Variants in MACROD2 observed in about 807,000 individuals in gnomAD.
MACROD2 encodes the protein ADP-ribose glycohydrolase MACROD2.
MACROD2 carries 36 observed loss-of-function variants against 70.4 expected under a neutral mutation model. The observed-to-expected ratio is 0.51, with a 90% CI of 0.39 to 0.68. The LOEUF (loss-of-function observed/expected upper bound fraction) is 0.68, where lower values mean the gene tolerates loss of function less well. Ranked by LOEUF, MACROD2 falls within the 30% of genes least tolerant of loss-of-function variation. MACROD2 has a pLI of 0.00. For missense variants in MACROD2, 496 were observed against 538.4 expected (o/e 0.92, Z 0.78); for synonymous variants, 172 against 178.8 (o/e 0.96, Z 0.30).
intron 8 of MACROD2, among the ~76,000 whole-genome samples, chr20:15,517,271 C>A (rs1374873217): frequency 6.6e-6 from 1 of 152,220 alleles, no homozygotes; most frequent in East Asian, 1.9e-4. Flanking sequence ...CAGGTCCCCC[C>A]ACTTATAAGG....
At chr20:14,582,325 C>T (rs1180272014) in intron 4 of MACROD2, among the ~76,000 whole-genome samples, 1 of 152,048 alleles carries the variant, frequency 6.6e-6, no homozygotes, top group Non-Finnish European at 1.5e-5. Flanking sequence ...ACTCACAAAT[C>T]TCGAATGCTG....
chr20:15,587,765 T>C (rs2146660937), intron 8 of MACROD2, among the ~76,000 whole-genome samples: 1 of 152,334 alleles, frequency 6.6e-6, no homozygotes, highest in East Asian at 1.9e-4. Context: ...GTAATGCTGA[T>C]GCAAGAGGTG....
intron 4 of MACROD2, among the ~76,000 whole-genome samples, chr20:14,556,932 A>G (rs374274296): frequency 6.6e-6 from 1 of 151,980 alleles, no homozygotes; most frequent in African/African-American, 2.4e-5. Context: ...CAGTTTTGAA[A>G]TGAAAGAACC....
At chr20:14,204,907 C>T (rs903867573) in intron 3 of MACROD2, among the ~76,000 whole-genome samples, 8 of 151,990 alleles carry the variant, frequency 5.3e-5, no homozygotes, top group South Asian at 2.1e-4. Context: ...TCTCATAAGG[C>T]GTAGAAGTGA....
intron 2 of MACROD2, chr20:14,053,560 C>T (rs563915091): frequency 1.3e-5 from 2 of 152,248 alleles, no homozygotes; most frequent in East Asian, 3.9e-4. Flanking sequence ...CTGCCCAAAC[C>T]TAAAAAGTAC....
intron 2 of MACROD2, among the ~76,000 whole-genome samples, chr20:14,044,141 TG>T (rs934795214): frequency 2.2e-4 from 33 of 152,102 alleles, no homozygotes; most frequent in African/African-American, 7.2e-4. Flanking sequence ...TGTTCGCATG[TG>T]TTCAGAGTTT....
chr20:15,148,387 G>A (rs1315523116), intron 5 of MACROD2, among the ~76,000 whole-genome samples: 1 of 152,016 alleles, frequency 6.6e-6, no homozygotes, highest in Non-Finnish European at 1.5e-5. Context: ...GGAGGACCTA[G>A]GACATCTAAT....
intron 5 of MACROD2, among the ~76,000 whole-genome samples, chr20:14,788,583 A>G (rs2072404352): frequency 6.9e-6 from 1 of 145,968 alleles, no homozygotes; most frequent in African/African-American, 2.5e-5. Flanking sequence ...CACATCTCAA[A>G]AAAAAAAAAA....
At chr20:14,511,081 G>A (rs925024986) in intron 4 of MACROD2, among the ~76,000 whole-genome samples, 11 of 152,078 alleles carry the variant, frequency 7.2e-5, no homozygotes, top group African/African-American at 2.7e-4. Flanking sequence ...GAGACAGAAT[G>A]AAAGAACTCC....
intron 5 of MACROD2, among the ~76,000 whole-genome samples, chr20:14,902,335 G>T (rs1478722489): frequency 1.3e-5 from 2 of 152,162 alleles, no homozygotes; most frequent in Non-Finnish European, 1.5e-5. Flanking sequence ...GAAAGCAAAA[G>T]TTGGCAGGCC....
intron 3 of MACROD2, among the ~76,000 whole-genome samples, chr20:14,304,233 GCT>G (rs1399601874): frequency 6.6e-6 from 1 of 152,010 alleles, no homozygotes; most frequent in Non-Finnish European, 1.5e-5. Context: ...GTTTATCAGA[GCT>G]CTCTTTCAAA....
intron 7 of MACROD2, among the ~76,000 whole-genome samples, chr20:15,466,881 T>C (rs2046898606): frequency 6.6e-6 from 1 of 152,210 alleles, no homozygotes; most frequent in Non-Finnish European, 1.5e-5. Context: ...TGAAATTTTT[T>C]GTTTTACTCC....
intron 3 of MACROD2, among the ~76,000 whole-genome samples, chr20:14,231,975 G>T (rs573819100): frequency 2.6e-5 from 4 of 152,084 alleles, no homozygotes; most frequent in African/African-American, 7.2e-5. Flanking sequence ...TCTCCCACTT[G>T]TTGATGGGGT....
intron 3 of MACROD2, among the ~76,000 whole-genome samples, chr20:14,143,016 T>C (rs1333299168): frequency 2.0e-5 from 3 of 152,182 alleles, no homozygotes; most frequent in African/African-American, 4.8e-5. Flanking sequence ...TAATCTTGCT[T>C]TGTATAATTA....
In MACROD2 at chr20:14,031,172, T is replaced by A. The variant is rs563601933; in HGVS notation, c.163+28768T>A. Among the ~76,000 whole-genome samples, 3 of 152,360 alleles carry A rather than the reference T, an allele frequency of 2.0e-5. No individual in the cohort carries two copies. In the South Asian group the frequency reaches 6.2e-4, roughly 32 times the overall value. On this transcript the variant is annotated intron_variant, in intron 2 of 17. Coordinates refer to ENST00000684519, the MANE Select transcript of MACROD2 (RefSeq NM_001351661.2). The stretch of plus-strand genomic sequence containing the variant: ...TCTTTAATGTTTCATAAAACATGTC[T>A]TTTTCCTAAATAGGGTTGTAACATT...
chr20:15,779,105 T>C (rs1012388788), intron 8 of MACROD2, among the ~76,000 whole-genome samples: 3 of 152,078 alleles, frequency 2.0e-5, no homozygotes, highest in African/African-American at 7.2e-5. Flanking sequence ...CCTCTAACTA[T>C]CATATCCCAT....
rs77169141 is a variant in MACROD2, at chr20:15,473,495, A to G, written c.572-26279A>G. Reference sequence around the variant, plus strand: ...CTGACCCATTTATCATCTATCAGGGAGTAACTTTTGCCTGAAGACATCCCC... The same window carrying G: ...CTGACCCATTTATCATCTATCAGGGGGTAACTTTTGCCTGAAGACATCCCC... On this transcript the variant is annotated intron_variant, in intron 7 of 17. Coordinates refer to ENST00000684519, the MANE Select transcript of MACROD2 (RefSeq NM_001351661.2). 7.3e-3 allele frequency among the ~76,000 whole-genome samples: 1,111 copies of G among 152,290 alleles called. 13 individuals are homozygous for G. The highest frequency in any genetic ancestry group is 0.025 in the African/African-American group (1,032 of 41,554).
chr20:14,583,616 A>G (rs755715004), intron 4 of MACROD2, among the ~76,000 whole-genome samples: 1 of 152,208 alleles, frequency 6.6e-6, no homozygotes, highest in Non-Finnish European at 1.5e-5. Flanking sequence ...ATGTTAGGTC[A>G]GTAATGTAAT....
intron 4 of MACROD2, among the ~76,000 whole-genome samples, chr20:14,505,588 A>G (rs949922817): frequency 2.0e-5 from 3 of 152,238 alleles, no homozygotes; most frequent in Admixed American, 1.3e-4. Flanking sequence ...TAGTGGTTCT[A>G]AAATTTGAAT....
Sources: gnomAD v4.1 joint callset for allele counts (sites outside exome capture counted in the v4.1 genomes callset) on GRCh38, gnomAD v4.1.1 for gene constraint, MANE v1.5 for transcripts, NCBI Gene and HGNC (gene_info 2026-07-23, HGNC 2026-07-21) for gene names.